The following SYN3 variants were observed in gnomAD, a reference collection of about 807,000 sequenced individuals.
The protein encoded by SYN3 is synapsin III.
SYN3 carries 35 observed loss-of-function variants against 65.8 expected under a neutral mutation model. The ratio of observed to expected loss-of-function variants is 0.53; its 90% CI spans 0.41 to 0.70. The LOEUF is 0.70. Among genes scored for constraint, SYN3 ranks in the 30% least tolerant of loss-of-function variants. The pLI, the probability that SYN3 is intolerant of heterozygous loss-of-function variation, is 0.00. For missense variants in SYN3, 680 were observed against 749.0 expected, an observed-to-expected ratio of 0.91 and a Z score of 1.08; for synonymous variants, 270 against 292.9, an observed-to-expected ratio of 0.92 and a Z score of 0.80.
At chr22:32,795,439 G>T (rs1232990737) in intron 6 of SYN3, among the ~76,000 whole-genome samples, 1 of 152,198 alleles carries the variant, frequency 6.6e-6, no homozygotes, top group East Asian at 1.9e-4. Flanking sequence ...GGTAACCCCG[G>T]AGGGGACTGA....
intron 10 of SYN3, among the ~76,000 whole-genome samples, chr22:32,530,514 G>C (rs1206460702): frequency 2.6e-5 from 4 of 152,050 alleles, no homozygotes; most frequent in Non-Finnish European, 2.9e-5. Context: ...CTGGGTTCCA[G>C]GCTTGGCTTC....
intron 6 of SYN3, among the ~76,000 whole-genome samples, chr22:32,695,826 A>C (rs7289865): frequency 0.26 from 39,871 of 151,042 alleles, 7,357 homozygotes; most frequent in East Asian, 0.63. Flanking sequence ...TGACTCACCT[A>C]CCTCTCTTTT....
At chr22:32,811,684 T>C (rs943883257) in intron 6 of SYN3, among the ~76,000 whole-genome samples, 2 of 152,148 alleles carry the variant, frequency 1.3e-5, no homozygotes. Context: ...GAAAGCAGGA[T>C]GGTGATTGGG....
intron 4 of SYN3, among the ~76,000 whole-genome samples, chr22:32,892,534 C>G (rs183996524): frequency 6.6e-6 from 1 of 152,250 alleles, no homozygotes; most frequent in East Asian, 1.9e-4. Context: ...AAACGAGACT[C>G]TAAGTAGTAA....
intron 3 of SYN3, among the ~76,000 whole-genome samples, chr22:32,965,570 G>A (rs2051808625): frequency 6.6e-6 from 1 of 151,852 alleles, no homozygotes; most frequent in South Asian, 2.1e-4. Flanking sequence ...GTGTGTGTGT[G>A]TGTGTGCATG....
intron 6 of SYN3, among the ~76,000 whole-genome samples, chr22:32,707,049 T>C (rs1028290957): frequency 3.3e-5 from 5 of 152,248 alleles, no homozygotes; most frequent in Admixed American, 3.3e-4. Flanking sequence ...CTATGACTTT[T>C]ACTGTTTGCT....
intron 6 of SYN3, among the ~76,000 whole-genome samples, chr22:32,829,329 C>T (rs1387333520): frequency 1.3e-5 from 2 of 152,204 alleles, no homozygotes; most frequent in Admixed American, 6.5e-5. Context: ...AAAGAATGCT[C>T]GTAATTGTTA....
chr22:32,991,370 A>ATAG (rs911068237), intron 2 of SYN3, among the ~76,000 whole-genome samples: 10 of 146,966 alleles, frequency 6.8e-5, no homozygotes, highest in African/African-American at 2.5e-4. Context: ...AATAATAATA[A>ATAG]TAGTAATAAT....
At chr22:32,785,337 C>T (rs1219233926) in intron 6 of SYN3, among the ~76,000 whole-genome samples, 1 of 152,134 alleles carries the variant, frequency 6.6e-6, no homozygotes, top group East Asian at 1.9e-4. Flanking sequence ...AAGTTGACAC[C>T]ATGCTTCCGG....
intron 6 of SYN3, among the ~76,000 whole-genome samples, chr22:32,779,875 C>A (rs1170158274): frequency 6.6e-6 from 1 of 151,994 alleles, no homozygotes; most frequent in Non-Finnish European, 1.5e-5. Flanking sequence ...CCTGGGATAA[C>A]CTGGGCAGAA....
intron 4 of SYN3, among the ~76,000 whole-genome samples, chr22:32,903,834 G>A (rs1444850211): frequency 6.6e-6 from 1 of 152,228 alleles, no homozygotes; most frequent in Non-Finnish European, 1.5e-5. Context: ...TGAACCAAAT[G>A]CCAGCTAGCT....
intron 1 of SYN3, among the ~76,000 whole-genome samples, chr22:33,044,588 C>T (rs141790487): frequency 5.3e-5 from 8 of 151,998 alleles, no homozygotes; most frequent in Non-Finnish European, 1.0e-4. Context: ...TCCAGACCTT[C>T]GCTTCTGCTT....
At chr22:32,756,314 C>G (rs192724103) in intron 6 of SYN3, among the ~76,000 whole-genome samples, 63 of 152,016 alleles carry the variant, frequency 4.1e-4, no homozygotes, top group African/African-American at 1.5e-3. Flanking sequence ...GGAGATATAC[C>G]TAATGTTAAA....
chr22:32,538,038 C>T lies in SYN3; in HGVS notation c.990G>A (p.Glu330=). 6.2e-7 allele frequency: 1 copy of T among 1,614,140 alleles called. No individual in the cohort carries two copies. The highest frequency in any genetic ancestry group is 1.1e-5 in the South Asian group (1 of 91,074). ...CCTACACCTCCTTTGTCTCTTACCT[C>T]TCTGTCATGGCCACCTGCTCCAGCA... The part of the protein sequence containing the change: ...SAMLEQVAMT[E]RYRLWVDSCS... The change falls in exon 9 of 14, where the codon GAG becomes GAA. Residue 330 remains glutamate, a splice_region_variant and synonymous_variant. Coordinates refer to ENST00000358763, the MANE Select transcript of SYN3 (RefSeq NM_003490.4).
chr22:32,537,906 A>T, intron 9 of SYN3, 130 bp downstream of exon 9: 2 of 720,046 alleles, frequency 2.8e-6, no homozygotes, highest in Non-Finnish European at 4.8e-6. Flanking sequence ...CATGTCTAAA[A>T]AAGTGCTCTG....
At chr22:32,539,180 A>C (rs987462591) in intron 8 of SYN3, among the ~76,000 whole-genome samples, 2 of 152,184 alleles carry the variant, frequency 1.3e-5, no homozygotes, top group African/African-American at 2.4e-5. Context: ...GTAAGAGAAA[A>C]TTGAAGTAAA....
At chr22:33,051,146 A>G (rs1426865687) in intron 1 of SYN3, among the ~76,000 whole-genome samples, 1 of 152,074 alleles carries the variant, frequency 6.6e-6, no homozygotes, top group Non-Finnish European at 1.5e-5. Flanking sequence ...TTGCTCAAGG[A>G]CCTACATCAG....
chr22:32,978,431 G>A (rs892615144), intron 3 of SYN3, among the ~76,000 whole-genome samples: 1 of 152,074 alleles, frequency 6.6e-6, no homozygotes, highest in South Asian at 2.1e-4. Context: ...AAGATGATGT[G>A]TCCTATTTTG....
chr22:33,020,587 A>G (rs1392324376), intron 1 of SYN3, among the ~76,000 whole-genome samples: 2 of 152,186 alleles, frequency 1.3e-5, no homozygotes, highest in African/African-American at 4.8e-5. Flanking sequence ...GACTCTATTG[A>G]TGATACTTTG....
Sources: gnomAD v4.1 joint callset for allele counts (sites outside exome capture counted in the v4.1 genomes callset) on GRCh38, gnomAD v4.1.1 for gene constraint, MANE v1.5 for transcripts, NCBI Gene and HGNC (gene_info 2026-07-23, HGNC 2026-07-21) for gene names.